The following DPYD variants were observed in gnomAD, a reference collection of about 807,000 sequenced individuals.
DPYD encodes dihydropyrimidine dehydrogenase [NADP(+)].
A neutral mutation model predicts 116.2 loss-of-function variants in DPYD; 109 were observed. The ratio of observed to expected loss-of-function variants is 0.94; its 90% CI spans 0.80 to 1.10. The LOEUF (loss-of-function observed/expected upper bound fraction) is 1.10, where lower values mean the gene tolerates loss of function less well. DPYD is among the 50% of genes least tolerant of loss of function. The pLI is 0.00. For missense variants in DPYD, 1,302 were observed against 1,254.5 expected (o/e 1.04, Z -0.57); for synonymous variants, 440 against 432.0 (o/e 1.02, Z -0.23).
chr1:97,665,896 A>G (rs1659531026), intron 8 of DPYD, among the ~76,000 whole-genome samples: 1 of 152,192 alleles, frequency 6.6e-6, no homozygotes, highest in African/African-American at 2.4e-5. Context: ...TTCCTGGCTG[A>G]AGTCAATAGG....
chr1:97,915,057 T>C (rs571938025), intron 1 of DPYD, among the ~76,000 whole-genome samples: 35 of 152,262 alleles, frequency 2.3e-4, no homozygotes, highest in African/African-American at 8.2e-4. Flanking sequence ...AAAAAGCATA[T>C]ATTTATGTGA....
chr1:97,086,354 T>C (rs932795199), intron 21 of DPYD, among the ~76,000 whole-genome samples: 1 of 8,272 alleles, frequency 1.2e-4, no homozygotes, highest in Non-Finnish European at 4.0e-4. Context: ...CTGGCCAAGT[T>C]TTTTTTTTTT....
rs2101976133 is a variant in DPYD at position 97,515,833 on chromosome 1, G to C, written c.1633C>G (p.Pro545Ala). 1 of 1,612,910 alleles carries C rather than the reference G, an allele frequency of 6.2e-7. No individual in the cohort carries two copies. The highest frequency in any genetic ancestry group is 1.1e-5 in the South Asian group (1 of 91,070). The change falls in exon 13 of 23, where the codon CCT (proline) becomes GCT (alanine). Residue 545 changes from proline to alanine, a missense_variant. Transcript: ENST00000370192. ...VEMAGLKFINPFGLASATPAT... is the reference protein window; with the variant it reads ...VEMAGLKFINAFGLASATPAT... The stretch of plus-strand genomic sequence containing the variant: ...GGAGTTGCGCTAGCAAGACCAAAAG[G>C]ATTTATAAACTTCAATCCGGCCATT...
At chr1:97,761,421 A>T (rs1665569840) in intron 3 of DPYD, among the ~76,000 whole-genome samples, 1 of 152,150 alleles carries the variant, frequency 6.6e-6, no homozygotes, top group Admixed American at 6.6e-5. Flanking sequence ...AAACAAAATG[A>T]GCAGAAATTA....
At chr1:97,225,670 C>CT (rs748424403) in intron 19 of DPYD, among the ~76,000 whole-genome samples, 2 of 150,188 alleles carry the variant, frequency 1.3e-5, no homozygotes, top group Non-Finnish European at 3.0e-5. Context: ...CATAGGAAGT[C>CT]TTTTCATCTT....
intron 11 of DPYD, among the ~76,000 whole-genome samples, chr1:97,568,201 T>C (rs959313266): frequency 2.0e-5 from 3 of 152,078 alleles, no homozygotes; most frequent in Non-Finnish European, 2.9e-5. Context: ...TACAAAGTCA[T>C]GTTGACAGAG....
At chr1:97,566,059 T>G (rs1426373135) in intron 11 of DPYD, among the ~76,000 whole-genome samples, 1 of 152,096 alleles carries the variant, frequency 6.6e-6, no homozygotes, top group Non-Finnish European at 1.5e-5. Context: ...TTCCCTCCCT[T>G]CCACCCCCGT....
intron 10 of DPYD, among the ~76,000 whole-genome samples, chr1:97,579,081 T>A (rs1330687449): frequency 6.6e-6 from 1 of 152,152 alleles, no homozygotes; most frequent in East Asian, 1.9e-4. Context: ...AGAGTGATAT[T>A]AAAATAGTCA....
intron 12 of DPYD, among the ~76,000 whole-genome samples, chr1:97,521,588 C>G (rs1271854668): frequency 6.6e-6 from 1 of 152,048 alleles, no homozygotes; most frequent in Non-Finnish European, 1.5e-5. Context: ...CAAAAAAGAG[C>G]CTGTATAACC....
chr1:97,443,946 A>G (rs775516787), intron 14 of DPYD, among the ~76,000 whole-genome samples: 2 of 152,178 alleles, frequency 1.3e-5, no homozygotes, highest in Non-Finnish European at 1.5e-5. Context: ...CGCTTGCAGG[A>G]CACCTAAATT....
rs1188352569 is a variant in DPYD, at chr1:97,435,907, A to G, written c.1905+14152T>C. ...TAAGCCCAAAAAAGAGTAAAATGAA[A>G]TGAATAGTTTGTAACAGAGCTAATG... On this transcript the variant is annotated intron_variant, in intron 14 of 22. Transcript: ENST00000370192. Among the ~76,000 whole-genome samples the G allele has an allele frequency of 2.0e-5, 3 of 152,024 alleles. No homozygotes were observed. In the East Asian group the frequency reaches 5.8e-4, roughly 29 times the overall value.
chr1:97,458,434 C>G (rs1456855214), intron 13 of DPYD, among the ~76,000 whole-genome samples: 1 of 152,050 alleles, frequency 6.6e-6, no homozygotes, highest in Non-Finnish European at 1.5e-5. Flanking sequence ...CATAGCTGTA[C>G]TGGTATCAAA....
chr1:97,113,604 C>T (rs1651758598), intron 20 of DPYD, among the ~76,000 whole-genome samples: 1 of 151,968 alleles, frequency 6.6e-6, no homozygotes, highest in Non-Finnish European at 1.5e-5. Context: ...AATGTGTTTT[C>T]TTTGTCTAGG....
chr1:97,893,863 T>C (rs1286219663), intron 1 of DPYD, among the ~76,000 whole-genome samples: 2 of 151,570 alleles, frequency 1.3e-5, no homozygotes, highest in Non-Finnish European at 1.5e-5. Flanking sequence ...GCCTAAATGA[T>C]CTCTATGTGA....
intron 19 of DPYD, among the ~76,000 whole-genome samples, chr1:97,195,689 T>TATAC (rs1658754909): frequency 1.9e-5 from 2 of 105,564 alleles, no homozygotes; most frequent in African/African-American, 7.7e-5. Flanking sequence ...TATATATATA[T>TATAC]GCCTAGGAGT....
intron 8 of DPYD, among the ~76,000 whole-genome samples, chr1:97,647,897 T>C (rs1163473296): frequency 2.6e-5 from 4 of 151,990 alleles, no homozygotes; most frequent in Non-Finnish European, 5.9e-5. Context: ...AACTCATACA[T>C]CTGATATTTT....
chr1:97,534,134 G>T (rs936452311), intron 12 of DPYD, among the ~76,000 whole-genome samples: 1 of 151,862 alleles, frequency 6.6e-6, no homozygotes, highest in Non-Finnish European at 1.5e-5. Flanking sequence ...CATTTCATTG[G>T]CCAACCACCA....
intron 12 of DPYD, among the ~76,000 whole-genome samples, chr1:97,525,046 G>A (rs1648953276): frequency 6.6e-6 from 1 of 152,136 alleles, no homozygotes; most frequent in Admixed American, 6.5e-5. Context: ...CTTACAGCCA[G>A]TCTGTCAGAA....
intron 13 of DPYD, among the ~76,000 whole-genome samples, chr1:97,477,419 C>G (rs533511849): frequency 2.8e-4 from 42 of 152,284 alleles, no homozygotes; most frequent in Non-Finnish European, 4.4e-4. Flanking sequence ...ACTCCCTCCA[C>G]CAAAGTTTTG....
Sources: allele counts gnomAD v4.1 joint callset (sites outside exome capture counted in the v4.1 genomes callset), GRCh38; gene constraint gnomAD v4.1.1; transcripts MANE v1.5; gene names NCBI Gene and HGNC (gene_info 2026-07-23, HGNC 2026-07-21).